The following CYP4X1 variants were observed in gnomAD, a reference collection of about 807,000 sequenced individuals.
CYP4X1 encodes the protein cytochrome P450 family 4 subfamily X member 1.
Under a neutral mutation model 57.9 loss-of-function variants are expected in CYP4X1, and 44 were observed. The observed-to-expected ratio is 0.76, with a 90% confidence interval of 0.60 to 0.98. The LOEUF is 0.98. CYP4X1 is among the 50% of genes least tolerant of loss of function. The pLI is 0.00. For synonymous variants in CYP4X1, 227 were observed against 228.6 expected (o/e 0.99, Z 0.06); for missense variants, 532 against 623.9 (o/e 0.85, Z 1.57).
chr1:47,016,546 T>C, the CYP4X1 span, among the ~76,000 whole-genome samples: 43 of 152,214 alleles, frequency 2.8e-4, no homozygotes, highest in East Asian at 8.1e-3. Context: ...TTTCACCATG[T>C]TAGCCAGGAT....
At chr1:46,992,077 T>A in the CYP4X1 span, among the ~76,000 whole-genome samples, 1 of 152,150 alleles carries the variant, frequency 6.6e-6, no homozygotes, top group Non-Finnish European at 1.5e-5. Context: ...GAAGCCATGG[T>A]GGGCAGATCA....
At chr1:46,980,726 A>G in the CYP4X1 span, among the ~76,000 whole-genome samples, 2 of 152,200 alleles carry the variant, frequency 1.3e-5, no homozygotes, top group African/African-American at 2.4e-5. Context: ...CTGACTTCAA[A>G]CTATACTACA....
the CYP4X1 span, among the ~76,000 whole-genome samples, chr1:46,993,027 A>T: frequency 6.6e-6 from 1 of 151,780 alleles, no homozygotes; most frequent in African/African-American, 2.4e-5. Context: ...GGTGTGCTGC[A>T]CCCATTAACT....
At chr1:47,010,477 A>G in the CYP4X1 span, among the ~76,000 whole-genome samples, 1 of 152,218 alleles carries the variant, frequency 6.6e-6, no homozygotes, top group African/African-American at 2.4e-5. Flanking sequence ...AAAAACTGGA[A>G]GCACTCCCTT....
chr1:46,983,932 A>G, the CYP4X1 span, among the ~76,000 whole-genome samples: 22 of 152,078 alleles, frequency 1.4e-4, no homozygotes, highest in African/African-American at 5.1e-4. Flanking sequence ...ACCCCTCAGC[A>G]TCATTGGTAC....
chr1:46,963,536 G>T, the CYP4X1 span, among the ~76,000 whole-genome samples: 3 of 152,126 alleles, frequency 2.0e-5, no homozygotes, highest in East Asian at 1.9e-4. Flanking sequence ...AATTCTGGGT[G>T]GAAAATTCTT....
chr1:47,001,804 G>A, the CYP4X1 span, among the ~76,000 whole-genome samples: 57 of 152,306 alleles, frequency 3.7e-4, no homozygotes, highest in Admixed American at 1.7e-3. Context: ...CGGGGACAGC[G>A]TCCCAATACC....
At chr1:47,054,371 C>G (rs1644379681), downstream of CYP4X1, among the ~76,000 whole-genome samples, 1 of 152,044 alleles carries the variant, frequency 6.6e-6, no homozygotes, top group Admixed American at 6.6e-5. Flanking sequence ...CAGCTTTGTT[C>G]TTTTGGCTTA....
chr1:47,046,623 C>T (rs1470124194), intron 9 of CYP4X1, 23 bp downstream of exon 9: 1 of 1,614,002 alleles, frequency 6.2e-7, no homozygotes, highest in East Asian at 2.2e-5. Context: ...TTTTCCTAAG[C>T]AGTTCTTAGA....
At chr1:47,053,735 C>G (rs917313238), downstream of CYP4X1, among the ~76,000 whole-genome samples, 1 of 152,220 alleles carries the variant, frequency 6.6e-6, no homozygotes, top group Non-Finnish European at 1.5e-5. Flanking sequence ...AGTCTCTGCT[C>G]ATATCCTTCG....
chr1:47,049,803 G>A (rs1644342209), intron 11 of CYP4X1, among the ~76,000 whole-genome samples, 197 bp from the exon 12 acceptor site: 1 of 152,110 alleles, frequency 6.6e-6, no homozygotes, highest in Non-Finnish European at 1.5e-5. Context: ...CTTGTTATAG[G>A]GAAGGCATCA....
At chr1:46,985,797 CAAAT>C in the CYP4X1 span, among the ~76,000 whole-genome samples, 3 of 152,260 alleles carry the variant, frequency 2.0e-5, no homozygotes, top group South Asian at 4.1e-4. Context: ...AGAAGGAAAA[CAAAT>C]AAACAGAAAG....
chr1:47,025,539 T>A (rs1209665553), intron 1 of CYP4X1, among the ~76,000 whole-genome samples: 1 of 152,236 alleles, frequency 6.6e-6, no homozygotes, highest in East Asian at 1.9e-4. Context: ...TAGAAAAACT[T>A]CTATTTGTAT....
At chr1:46,983,820 G>C in the CYP4X1 span, among the ~76,000 whole-genome samples, 3 of 152,152 alleles carry the variant, frequency 2.0e-5, no homozygotes, top group Non-Finnish European at 4.4e-5. Flanking sequence ...AGCTGCCACT[G>C]GTCCGAGTGC....
At chr1:46,972,695 C>T in the CYP4X1 span, among the ~76,000 whole-genome samples, 1 of 152,064 alleles carries the variant, frequency 6.6e-6, no homozygotes, top group Non-Finnish European at 1.5e-5. Flanking sequence ...CTTTTTGTGG[C>T]TATTGTGAAT....
chr1:46,984,547 C>A, the CYP4X1 span, among the ~76,000 whole-genome samples: 2 of 152,084 alleles, frequency 1.3e-5, no homozygotes, highest in African/African-American at 4.8e-5. Context: ...GTGGGTGCAG[C>A]CCACAGAAGG....
intron 6 of CYP4X1, among the ~76,000 whole-genome samples, chr1:47,037,987 A>G (rs1644203765): frequency 6.6e-6 from 1 of 152,178 alleles, no homozygotes; most frequent in Non-Finnish European, 1.5e-5. Context: ...TCTGTTTTGG[A>G]TAAGAGTATA....
rs370355060 is a variant in CYP4X1 at position 47,023,931 on chromosome 1, G to T, written c.114G>T (p.Arg38=). 9.3e-6 allele frequency: 15 copies of T among 1,613,410 alleles called. No individual in the cohort carries two copies. The highest frequency in any genetic ancestry group is 1.3e-5 in the Non-Finnish European group (15 of 1,179,982). Residue 38 remains arginine, a synonymous_variant, in exon 1 of 12, where the codon CGG becomes CGT. Transcript: ENST00000371901. ...TTAAGCTGTACCTGCGGAGGCAGCG[G>T]CTGCTGCGGGACCTGCGCCCCTTCC... ...QAIKLYLRRQ[R]LLRDLRPFPA...
chr1:47,048,492 TC>T, intron 9 of CYP4X1, 72 bp from the exon 10 acceptor site: 1 of 1,519,412 alleles, frequency 6.6e-7, no homozygotes, highest in Non-Finnish European at 9.1e-7. Context: ...AGAACAAAAG[TC>T]TTGTTTAAGA....
Sources: gnomAD v4.1 joint callset for allele counts (sites outside exome capture counted in the v4.1 genomes callset) on GRCh38, gnomAD v4.1.1 for gene constraint, MANE v1.5 for transcripts, NCBI Gene and HGNC (gene_info 2026-07-23, HGNC 2026-07-21) for gene names.